Variants in UGT1A6 observed in about 807,000 individuals in gnomAD.
UGT1A6 encodes the protein UDP glucuronosyltransferase family 1 member A6, also known as UDP-glucuronosyltransferase 1A6.
UGT1A6 carries 32 observed loss-of-function variants against 44.4 expected under a neutral mutation model. The ratio of observed to expected loss-of-function variants is 0.72; its 90% confidence interval spans 0.54 to 0.97. The LOEUF is 0.97. Among genes scored for constraint, UGT1A6 ranks in the 50% least tolerant of loss-of-function variants. The pLI, the probability that UGT1A6 is intolerant of heterozygous loss-of-function variation, is 0.00. For synonymous variants in UGT1A6, 238 were observed against 248.5 expected (o/e 0.96, Z 0.40); for missense variants, 685 against 661.9 (o/e 1.03, Z -0.38).
At chr2:233,757,313 C>T (rs1359328872) in intron 1 of UGT1A6, among the ~76,000 whole-genome samples, 3 of 66,648 alleles carry the variant, frequency 4.5e-5, no homozygotes, top group African/African-American at 1.8e-4. Context: ...GACAGGGGGG[C>T]TGGGGCCCTG....
Position 233,772,812 on chromosome 2 carries a change from C to A in UGT1A6, c.*253C>A. ...ATGACATGTGCCATTTTTCAGAGGA[C>A]GTGCAGACAGGCTGGCATTCTAGAT... is the stretch of plus-strand genomic sequence containing the variant. On this transcript the variant is annotated 3_prime_UTR_variant, in exon 5 of 5. Transcript: ENST00000305139. The A allele has an allele frequency of 1.9e-6, 2 of 1,035,896 alleles. No homozygotes were observed. Among genetic ancestry groups the A allele is most frequent in the Non-Finnish European group, 2.6e-6 (2 of 759,452 alleles). 64.2% of individuals were successfully genotyped at this position (1,035,896 alleles called of 1,614,324 possible). A position where few individuals can be genotyped will look rare whatever the true frequency, so the allele number is the denominator to read the frequency against.
chr2:233,760,187 A>G, intron 1 of UGT1A6: 1 of 1,561,346 alleles, frequency 6.4e-7, no homozygotes, highest in East Asian at 2.3e-5. Flanking sequence ...TTTTATAGTC[A>G]CGTGACACAG....
chr2:233,725,080 G>A (rs1417813271), intron 1 of UGT1A6, among the ~76,000 whole-genome samples: 3 of 144,008 alleles, frequency 2.1e-5, no homozygotes, highest in Non-Finnish European at 4.6e-5. Context: ...GCAGGCACTC[G>A]GCAGGCTGAG....
At position 233,692,906 on chromosome 2, in the gene UGT1A6, T is replaced by G. The variant is rs1175871462; in HGVS notation, c.-99T>G. On this transcript the variant is annotated 5_prime_UTR_variant, in exon 1 of 5. Coordinates refer to ENST00000305139, the MANE Select transcript of UGT1A6 (RefSeq NM_001072.4). ...GAGCAAGGGAGAGGTAGACAGGACC[T>G]GTGAAAAGCAGTGGTTAGTTTAGGG... 4 of 1,548,942 alleles carry G rather than the reference T, an allele frequency of 2.6e-6. No homozygotes were observed. Among genetic ancestry groups the G allele is most frequent in the Non-Finnish European group, 3.5e-6 (4 of 1,154,338 alleles).
At chr2:233,727,764 G>T (rs117456176) in intron 1 of UGT1A6, among the ~76,000 whole-genome samples, 2 of 152,186 alleles carry the variant, frequency 1.3e-5, no homozygotes, top group Non-Finnish European at 2.9e-5. Flanking sequence ...CTTGAGCTGG[G>T]TGTCCCCCAG....
chr2:233,772,471 T>C lies in UGT1A6; in HGVS notation c.1511T>C (p.Ile504Thr), dbSNP rs1341191921. The C allele has an allele frequency of 1.2e-6, 2 of 1,614,022 alleles. No homozygotes were observed. The highest frequency in any genetic ancestry group is 1.7e-6 in the Non-Finnish European group (2 of 1,180,036). Residue 504 changes from isoleucine to threonine, a missense_variant, in exon 5 of 5, where the codon ATC (isoleucine) becomes ACC (threonine). Physicochemically the swap from Ile to Thr is moderately conservative, Grantham distance 89. Coordinates refer to ENST00000305139, the MANE Select transcript of UGT1A6 (RefSeq NM_001072.4). Reference sequence around the variant, plus strand: ...GCCGTCGTGCTGACAGTGGCCTTCATCACCTTTAAATGTTGTGCTTATGGC... The same window carrying C: ...GCCGTCGTGCTGACAGTGGCCTTCACCACCTTTAAATGTTGTGCTTATGGC... ...LLAVVLTVAF[I>T]TFKCCAYGYR...
chr2:233,728,405 T>C (rs1373851187), intron 1 of UGT1A6, among the ~76,000 whole-genome samples: 2 of 152,184 alleles, frequency 1.3e-5, no homozygotes, highest in Non-Finnish European at 2.9e-5. Context: ...CCATGTGTGC[T>C]TTAGATAGCA....
rs1182689801 is a variant in UGT1A6, at chr2:233,724,261, G to A, written c.861+30396G>A. Among the ~76,000 whole-genome samples, 54 of 98,670 alleles carry A rather than the reference G, an allele frequency of 5.5e-4. 1 individual carries two copies. The highest frequency in any genetic ancestry group is 1.1e-3 in the East Asian group (3 of 2,618). The allele number at this position is 98,670 out of a possible 152,430, so 64.7% of individuals were successfully genotyped here. Reference sequence around the variant, plus strand: ...CGGGCAGAGGCGCCCCTCACCTCCCGGACGGGGCGGCTGGCCGGGCGGGGG... The same window carrying A: ...CGGGCAGAGGCGCCCCTCACCTCCCAGACGGGGCGGCTGGCCGGGCGGGGG... On this transcript the variant is annotated intron_variant, in intron 1 of 4. Coordinates refer to ENST00000305139, the MANE Select transcript of UGT1A6 (RefSeq NM_001072.4).
intron 1 of UGT1A6, among the ~76,000 whole-genome samples, chr2:233,745,995 A>T (rs1224487934): frequency 1.3e-5 from 2 of 151,678 alleles, no homozygotes; most frequent in Non-Finnish European, 2.9e-5. Context: ...GCTGGGTCTG[A>T]GAGACAGTGG....
intron 1 of UGT1A6, among the ~76,000 whole-genome samples, chr2:233,765,804 G>T (rs1575814743): frequency 6.6e-6 from 1 of 152,060 alleles, no homozygotes. Flanking sequence ...AGTGAGAAAA[G>T]AATTGCCATG....
intron 1 of UGT1A6, among the ~76,000 whole-genome samples, chr2:233,758,868 C>T (rs1697003822): frequency 1.3e-5 from 2 of 152,158 alleles, no homozygotes; most frequent in South Asian, 4.1e-4. Context: ...ACAATACTTG[C>T]CCCATAGTCC....
At chr2:233,767,621 C>T (rs149525417) in intron 2 of UGT1A6, among the ~76,000 whole-genome samples, 1 of 152,276 alleles carries the variant, frequency 6.6e-6, no homozygotes, top group African/African-American at 2.4e-5. Flanking sequence ...AAGTGCACAG[C>T]TTGATAAATT....
chr2:233,717,725 C>A (rs977761305), intron 1 of UGT1A6: 47 of 455,612 alleles, frequency 1.0e-4, no homozygotes, highest in Non-Finnish European at 1.9e-4. Flanking sequence ...GGGCATGAGA[C>A]CATTGTGAGT....
At chr2:233,751,284 C>T (rs2125910404) in intron 1 of UGT1A6, among the ~76,000 whole-genome samples, 1 of 152,008 alleles carries the variant, frequency 6.6e-6, no homozygotes, top group East Asian at 1.9e-4. Flanking sequence ...CCAGTTTCTC[C>T]CATTTGGAAT....
At chr2:233,761,217 A>G (rs1266306783) in intron 1 of UGT1A6, 2 of 1,613,598 alleles carry the variant, frequency 1.2e-6, no homozygotes, top group Non-Finnish European at 1.7e-6. Flanking sequence ...GGATCGATTA[A>G]CTAGCCCCAG....
At chr2:233,726,418 C>G (rs1368696095) in intron 1 of UGT1A6, among the ~76,000 whole-genome samples, 1 of 152,176 alleles carries the variant, frequency 6.6e-6, no homozygotes, top group African/African-American at 2.4e-5. Flanking sequence ...CATTCTGATT[C>G]TGTCCACTCT....
chr2:233,748,025 C>T, intron 1 of UGT1A6: 1 of 1,613,520 alleles, frequency 6.2e-7, no homozygotes, highest in Non-Finnish European at 8.5e-7. Flanking sequence ...CGATCATGCC[C>T]AACATGGTCT....
intron 1 of UGT1A6, chr2:233,719,196 A>T (rs1343607687): frequency 6.2e-7 from 1 of 1,614,214 alleles, no homozygotes; most frequent in Non-Finnish European, 8.5e-7. Flanking sequence ...GGCCCTTCAT[A>T]GGTGTTGTGT....
At chr2:233,728,329 C>A (rs541948735) in intron 1 of UGT1A6, among the ~76,000 whole-genome samples, 12 of 152,272 alleles carry the variant, frequency 7.9e-5, no homozygotes, top group African/African-American at 2.6e-4. Context: ...GGCTCCAGCT[C>A]CCCCAGTCCC....
Sources: allele counts gnomAD v4.1 joint callset (sites outside exome capture counted in the v4.1 genomes callset), GRCh38; gene constraint gnomAD v4.1.1; transcripts MANE v1.5; gene names NCBI Gene and HGNC (gene_info 2026-07-23, HGNC 2026-07-21).